The following ADGRB2 variants were observed in gnomAD, a reference collection of about 807,000 sequenced individuals.
ADGRB2 encodes brain-specific angiogenesis inhibitor 2.
A neutral mutation model predicts 178.7 loss-of-function variants in ADGRB2; 47 were observed. The ratio of observed to expected loss-of-function variants is 0.26; its 90% CI spans 0.21 to 0.34. The LOEUF is 0.34. Among genes scored for constraint, ADGRB2 ranks in the 10% least tolerant of loss-of-function variants. The probability of loss-of-function intolerance (pLI) is 1.00; values close to 1 mark genes in which losing one functional copy is unlikely to be tolerated. For synonymous variants in ADGRB2, 870 were observed against 912.4 expected, an observed-to-expected ratio of 0.95 and a Z score of 0.84; for missense variants, 1,584 against 2,180.8, an observed-to-expected ratio of 0.73 and a Z score of 5.45.
chr1:31,730,999 C>T lies in ADGRB2; in HGVS notation c.4181G>A (p.Gly1394Asp), dbSNP rs749416922. ...GTCCACGGACAGGAAGCTGGGGTAG[C>T]CTTCAGTGTGGGCCACTGTCTTGGC... ...RAAKTVAHTEGYPSFLSVDHS... is the reference protein window; with the variant it reads ...RAAKTVAHTEDYPSFLSVDHS... Residue 1394 changes from glycine to aspartate, a missense_variant, in exon 29 of 33, where the codon GGC becomes GAC. Gly to Asp is a moderately conservative substitution (Grantham distance 94). Transcript: ENST00000373658. 1 of 1,569,882 alleles carries T rather than the reference C, an allele frequency of 6.4e-7. No homozygotes were observed. Among genetic ancestry groups the T allele is most frequent in the South Asian group, 1.2e-5 (1 of 85,114 alleles).
chr1:31,728,020 CT>C lies in ADGRB2; in HGVS notation c.4572+4del. On this transcript the variant is annotated splice_donor_region_variant and intron_variant, in intron 32 of 32. Transcript: ENST00000373658. This position sits in a 1 kb window ranked among gnomAD's most constrained non-coding sequence, Gnocchi z 6.7. ...CCTCACCCCACCCAGCCCGGGGGGA[CT>C]CACGGTGCACACGCTCCGCTCGGCT... The C allele has an allele frequency of 6.4e-7, 1 of 1,560,012 alleles. No individual in the cohort carries two copies. Among genetic ancestry groups the C allele is most frequent in the Non-Finnish European group, 8.6e-7 (1 of 1,157,328 alleles).
Position 31,741,949 on chromosome 1 carries a change from C to A in ADGRB2, c.1436G>T (p.Gly479Val). ...GCACAGGCTCCACGCATTCCATGGCCCCCACTTGCTATCAGTGGCTGTGGG... is the reference window on the plus strand; with the variant it reads ...GCACAGGCTCCACGCATTCCATGGCACCCACTTGCTATCAGTGGCTGTGGG... ...LECPATDSKW[G>V]PWNAWSLCSK... The change falls in exon 9 of 33, where the codon GGG becomes GTG. Residue 479 changes from glycine to valine, a missense_variant. By Grantham distance (109) the Gly-to-Val change is moderately radical (BLOSUM62 -3). Around this residue, in one of 3 missense-constraint regions of ADGRB2, gnomAD observed 657 missense variants for 847.6 expected, o/e 0.78. Transcript: ENST00000373658. This position sits in a 1 kb window ranked among gnomAD's most constrained non-coding sequence, Gnocchi z 6.5. 6.3e-7 allele frequency: 1 copy of A among 1,594,210 alleles called. No individual in the cohort carries two copies. Among genetic ancestry groups the A allele is most frequent in the Non-Finnish European group, 8.6e-7 (1 of 1,166,556 alleles).
At position 31,741,550 on chromosome 1, in the gene ADGRB2, G is replaced by C. The variant is rs1312641913; in HGVS notation, c.1688-71C>G. ...CACCCACACTCCTCCGTATCTCAGA[G>C]AGGCTGGGGGCGCAGAAGGGGGCAA... On this transcript the variant is annotated intron_variant, in intron 10 of 32. Transcript: ENST00000373658. The surrounding 1 kb of genome is among the most constrained non-coding windows in gnomAD (Gnocchi z 6.5). The C allele has an allele frequency of 6.3e-7, 1 of 1,593,556 alleles. No homozygotes were observed. The highest frequency in any genetic ancestry group is 1.3e-5 in the African/African-American group (1 of 74,632).
intron 4 of ADGRB2, among the ~76,000 whole-genome samples, chr1:31,749,729 T>A (rs1646463192): frequency 6.6e-6 from 1 of 152,164 alleles, no homozygotes. Flanking sequence ...CTGGGAAACA[T>A]GGTGAAACCC....
rs1646894680 is a variant in ADGRB2 at position 31,757,435 on chromosome 1, A to C, written c.-114T>G. 1.6e-6 allele frequency: 1 copy of C among 636,810 alleles called. No individual in the cohort carries two copies. Among genetic ancestry groups the C allele is most frequent in the Non-Finnish European group, 2.8e-6 (1 of 359,274 alleles). The allele number at this position is 636,810 out of a possible 1,614,324, so 39.4% of individuals were successfully genotyped here. On this transcript the variant is annotated 5_prime_UTR_variant, in exon 2 of 33. Coordinates refer to ENST00000373658, the MANE Select transcript of ADGRB2 (RefSeq NM_001364857.2). ...CGGAGTTACAGCCAGTGTGCCAGGA[A>C]CTGCGCACAACCTGAGCCATGCCCA...
chr1:31,757,688 T>G (rs2149064567), intron 1 of ADGRB2, among the ~76,000 whole-genome samples, 177 bp from the exon 2 acceptor site: 1 of 152,242 alleles, frequency 6.6e-6, no homozygotes, highest in Non-Finnish European at 1.5e-5. Flanking sequence ...GGGATTATCT[T>G]CCAAGGCCTG....
chr1:31,759,273 T>C lies in ADGRB2; in HGVS notation c.-190-1762A>G, dbSNP rs771727048. The C allele has an allele frequency of 3.8e-6, 3 of 779,520 alleles. No individual in the cohort carries two copies. In the Admixed American group the frequency reaches 5.1e-5, roughly 13 times the overall value. 48.3% of individuals were successfully genotyped at this position (779,520 alleles called of 1,614,324 possible). A position where few individuals can be genotyped will look rare whatever the true frequency, so the allele number is the denominator to read the frequency against. On this transcript the variant is annotated intron_variant, in intron 1 of 32. Transcript: ENST00000373658. The surrounding 1 kb of genome is among the most constrained non-coding windows in gnomAD (Gnocchi z 4.3). ...CACACAGGGGTGTAGAGGCTTACAC[T>C]TGTACACATGCACAGAGGTGCACAC...
rs766434310 is a variant in ADGRB2, at chr1:31,756,150, C to T, written c.687G>A (p.Ala229=). 21 of 1,613,398 alleles carry T rather than the reference C, an allele frequency of 1.3e-5. No individual in the cohort carries two copies. The highest frequency in any genetic ancestry group is 8.9e-5 in the East Asian group (4 of 44,872). The change falls in exon 4 of 33, where the codon GCG becomes GCA. Residue 229 remains alanine, a synonymous_variant. Transcript: ENST00000373658. This position sits in a 1 kb window ranked among gnomAD's most constrained non-coding sequence, Gnocchi z 8.5. ...AQPGCSCPGE[A]GAGSTTTTSP... is the part of the protein sequence containing the mutation. ...ATGTGGTGGTGGTGGAGCCGGCCCC[C>T]GCCTCTCCAGGGCAGCTGCAGCCTG...
In ADGRB2 at chr1:31,744,308, C is replaced by A; in HGVS notation, c.972G>T (p.Thr324=). Residue 324 remains threonine, a synonymous_variant, in exon 6 of 33, where the codon ACG becomes ACT. Transcript: ENST00000373658. This position sits in a 1 kb window ranked among gnomAD's most constrained non-coding sequence, Gnocchi z 6.7. ...EWSPWSVCSL[T]CGQGLQVRTR... is the part of the protein sequence containing the mutation. ...TCCGCACCTGCAGACCCTGCCCACA[C>A]GTCAGGGAACACACGCTCCACGGGG... is the stretch of plus-strand genomic sequence containing the variant. The A allele has an allele frequency of 6.4e-7, 1 of 1,551,416 alleles. No individual in the cohort carries two copies. Among genetic ancestry groups the A allele is most frequent in the African/African-American group, 1.4e-5 (1 of 73,140 alleles).
chr1:31,750,285 G>A (rs1646500718), intron 4 of ADGRB2, among the ~76,000 whole-genome samples: 1 of 152,174 alleles, frequency 6.6e-6, no homozygotes, highest in Non-Finnish European at 1.5e-5. Flanking sequence ...AAGGGTCTCA[G>A]TCTCCCATGC....
chr1:31,727,449 G>T lies in ADGRB2; in HGVS notation c.4729C>A (p.Pro1577Thr), dbSNP rs1387732942. 1 of 1,588,084 alleles carries T rather than the reference G, an allele frequency of 6.3e-7. No individual in the cohort carries two copies. Among genetic ancestry groups the T allele is most frequent in the Admixed American group, 1.9e-5 (1 of 51,296 alleles). Residue 1577 changes from proline to threonine, a missense_variant, in exon 33 of 33, where the codon CCG becomes ACG. By Grantham distance (38) the Pro-to-Thr change is conservative. Coordinates refer to ENST00000373658, the MANE Select transcript of ADGRB2 (RefSeq NM_001364857.2). This position sits in a 1 kb window ranked among gnomAD's most constrained non-coding sequence, Gnocchi z 4.4. ...ACCTCTGTCTGGAAGTCACCATCCG[G>T]TGGTTCTGTGGGCTCCCAGGCTGCT... ...RAAAWEPTEP[P>T]DGDFQTEV
chr1:31,755,102 A>AC lies in ADGRB2; in HGVS notation c.838+896dup, dbSNP rs1459113941. Among the ~76,000 whole-genome samples, 2 of 152,106 alleles carry AC rather than the reference A, an allele frequency of 1.3e-5. No individual in the cohort carries two copies. Among genetic ancestry groups the AC allele is most frequent in the African/African-American group, 4.8e-5 (2 of 41,422 alleles). On this transcript the variant is annotated intron_variant, in intron 4 of 32. Coordinates refer to ENST00000373658, the MANE Select transcript of ADGRB2 (RefSeq NM_001364857.2). The surrounding 1 kb of genome is among the most constrained non-coding windows in gnomAD (Gnocchi z 5.1). ...TGTCGGTACCAGAGCTGCAGACCAG[A>AC]CCCCAGACCTGCCTCCTTCCCATCC...
At position 31,741,506 on chromosome 1, in the gene ADGRB2, G is replaced by C; in HGVS notation, c.1688-27C>G. On this transcript the variant is annotated intron_variant, in intron 10 of 32. Coordinates refer to ENST00000373658, the MANE Select transcript of ADGRB2 (RefSeq NM_001364857.2). This position sits in a 1 kb window ranked among gnomAD's most constrained non-coding sequence, Gnocchi z 6.5. ...TGCAGGGCAATAGGACAGAGGTCTG[G>C]GCATGGGGGCCGAGCTCTCACCCAC... 1 of 1,581,302 alleles carries C rather than the reference G, an allele frequency of 6.3e-7. No individual in the cohort carries two copies. The highest frequency in any genetic ancestry group is 8.6e-7 in the Non-Finnish European group (1 of 1,162,144).
chr1:31,748,781 C>T (rs1646408951), intron 4 of ADGRB2, among the ~76,000 whole-genome samples: 1 of 152,264 alleles, frequency 6.6e-6, no homozygotes, highest in South Asian at 2.1e-4. Context: ...CACCTGATAA[C>T]CTCATAACTA....
At position 31,741,555 on chromosome 1, in the gene ADGRB2, TGGGGGCGCAGAA is replaced by T; in HGVS notation, c.1687+57_1687+68del. On this transcript the variant is annotated intron_variant, in intron 10 of 32. Coordinates refer to ENST00000373658, the MANE Select transcript of ADGRB2 (RefSeq NM_001364857.2). This position sits in a 1 kb window ranked among gnomAD's most constrained non-coding sequence, Gnocchi z 6.5. The stretch of plus-strand genomic sequence containing the variant: ...ACACTCCTCCGTATCTCAGAGAGGC[TGGGGGCGCAGAA>T]GGGGGCAATGAGAATGGCAGGGGTG... 6.3e-7 allele frequency: 1 copy of T among 1,593,492 alleles called. No individual in the cohort carries two copies. The highest frequency in any genetic ancestry group is 8.6e-7 in the Non-Finnish European group (1 of 1,166,410).
At position 31,738,217 on chromosome 1, in the gene ADGRB2, G is replaced by A; in HGVS notation, c.2755C>T (p.Gln919Ter). The A allele has an allele frequency of 6.2e-7, 1 of 1,614,124 alleles. No homozygotes were observed. ...QHLSTFAVLA[Q>*]PPKDLTLELA... Reference sequence around the variant, plus strand: ...CCACTCACCAGGTCCTTGGGCGGCTGGGCTAGTACAGCAAAGGTGGACAGG... The same window carrying A: ...CCACTCACCAGGTCCTTGGGCGGCTAGGCTAGTACAGCAAAGGTGGACAGG... The change falls in exon 18 of 33, where the codon CAG becomes TAG. Residue 919 changes from glutamine to a stop codon, truncating the protein, a stop_gained. Coordinates refer to ENST00000373658, the MANE Select transcript of ADGRB2 (RefSeq NM_001364857.2). LOFTEE classifies it high-confidence loss of function.
rs1646850998 is a variant in ADGRB2, at chr1:31,756,658, G to A, written c.179C>T (p.Thr60Ile). ...GGTCCAGGAGCAGCCCGAGGCGATGGTAGGAAAGAGGTCCTGCAGCGAGAA... is the reference window on the plus strand; with the variant it reads ...GGTCCAGGAGCAGCCCGAGGCGATGATAGGAAAGAGGTCCTGCAGCGAGAA... The part of the protein sequence containing the change: ...GAFSLQDLFP[T>I]IASGCSWTLE... Residue 60 changes from threonine to isoleucine, a missense_variant, in exon 4 of 33, where the codon ACC becomes ATC. By Grantham distance (89) the Thr-to-Ile change is moderately conservative. Around this residue, in one of 3 missense-constraint regions of ADGRB2, gnomAD observed 657 missense variants for 847.6 expected, o/e 0.78. Coordinates refer to ENST00000373658, the MANE Select transcript of ADGRB2 (RefSeq NM_001364857.2). The surrounding 1 kb of genome is among the most constrained non-coding windows in gnomAD (Gnocchi z 8.5). The A allele has an allele frequency of 3.7e-6, 6 of 1,609,164 alleles. No homozygotes were observed. The highest frequency in any genetic ancestry group is 5.1e-6 in the Non-Finnish European group (6 of 1,177,586).
intron 14 of ADGRB2, 104 bp from the exon 15 acceptor site, chr1:31,739,739 T>G: frequency 7.3e-7 from 1 of 1,361,552 alleles, no homozygotes; most frequent in Non-Finnish European, 1.0e-6. Context: ...CCAGGAAAGG[T>G]AGATGTGGAC....
chr1:31,727,723 G>C lies in ADGRB2; in HGVS notation c.4573-118C>G, dbSNP rs1645056212. 6.9e-6 allele frequency: 8 copies of C among 1,156,260 alleles called. No individual in the cohort carries two copies. The allele number at this position is 1,156,260 out of a possible 1,614,324, so 71.6% of individuals were successfully genotyped here. A position where few individuals can be genotyped will look rare whatever the true frequency, so the allele number is the denominator to read the frequency against. ...AATGCCCAAAGTTATGGAGCAATCA[G>C]GTGTCAAGCAGAATTCAAATACAGA... On this transcript the variant is annotated intron_variant, in intron 32 of 32. Coordinates refer to ENST00000373658, the MANE Select transcript of ADGRB2 (RefSeq NM_001364857.2). The surrounding 1 kb of genome is among the most constrained non-coding windows in gnomAD (Gnocchi z 4.4).
Sources: allele counts gnomAD v4.1 joint callset (sites outside exome capture counted in the v4.1 genomes callset), GRCh38; gene constraint gnomAD v4.1.1; regional missense constraint gnomAD v4.1.1; non-coding constraint Gnocchi (gnomAD v3.1); transcripts MANE v1.5; gene names NCBI Gene and HGNC (gene_info 2026-07-23, HGNC 2026-07-21).